PXYLP1: variants seen among roughly 807,000 people sequenced by gnomAD.
PXYLP1 encodes acid phosphatase-like 2.
A neutral mutation model predicts 37.9 loss-of-function variants in PXYLP1; 17 were observed. The ratio of observed to expected loss-of-function variants is 0.45; its 90% CI spans 0.31 to 0.67. The LOEUF is 0.67. Ranked by LOEUF, PXYLP1 falls within the 30% of genes least tolerant of loss-of-function variation. The probability of loss-of-function intolerance (pLI) is 0.07; values close to 1 mark genes in which losing one functional copy is unlikely to be tolerated. For missense variants in PXYLP1, 511 were observed against 612.0 expected, an observed-to-expected ratio of 0.84 and a Z score of 1.74; for synonymous variants, 221 against 232.2, an observed-to-expected ratio of 0.95 and a Z score of 0.44.
intron 1 of PXYLP1, chr3:141,236,342 G>C (rs146609395): frequency 3.5e-4 from 54 of 152,254 alleles, no homozygotes; most frequent in African/African-American, 1.2e-3. Context: ...TCCTCAGAAA[G>C]AGCTGTAATC....
intron 2 of PXYLP1, among the ~76,000 whole-genome samples, chr3:141,266,323 T>A (rs568999979): frequency 4.9e-4 from 75 of 152,346 alleles, no homozygotes; most frequent in African/African-American, 1.6e-3. Context: ...CGGGGACCGC[T>A]GGCAGGAGCC....
chr3:141,278,282 C>G (rs1559893137), intron 2 of PXYLP1, 60 bp from the exon 3 acceptor site: 4 of 1,597,666 alleles, frequency 2.5e-6, no homozygotes, highest in Non-Finnish European at 3.4e-6. Flanking sequence ...TGCGCTGGGC[C>G]TTGCAGCTGG....
chr3:141,278,836 T>C (rs1340323475), intron 3 of PXYLP1, among the ~76,000 whole-genome samples: 1 of 152,234 alleles, frequency 6.6e-6, no homozygotes, highest in Non-Finnish European at 1.5e-5. Flanking sequence ...GTGCAGCACA[T>C]TGAGACACTC....
chr3:141,271,087 G>C (rs2148791696), intron 2 of PXYLP1, among the ~76,000 whole-genome samples: 1 of 152,210 alleles, frequency 6.6e-6, no homozygotes, highest in Non-Finnish European at 1.5e-5. Context: ...AGTATTTCTT[G>C]ATTCCTTACC....
chr3:141,269,459 A>G (rs1941608979), intron 2 of PXYLP1, among the ~76,000 whole-genome samples: 1 of 144,990 alleles, frequency 6.9e-6, no homozygotes, highest in Admixed American at 7.0e-5. Context: ...TGATGAACTC[A>G]TGTTTTTTAT....
At chr3:141,257,768 G>A (rs895693664) in intron 1 of PXYLP1, among the ~76,000 whole-genome samples, 1 of 152,080 alleles carries the variant, frequency 6.6e-6, no homozygotes, top group Admixed American at 6.5e-5. Context: ...CGGGTGTGTG[G>A]TGGCAGCCAC....
intron 4 of PXYLP1, among the ~76,000 whole-genome samples, chr3:141,280,019 G>A (rs543271922): frequency 1.3e-5 from 2 of 152,214 alleles, no homozygotes; most frequent in Admixed American, 6.5e-5. Flanking sequence ...TTTTTCACTG[G>A]AGTAGAGGCA....
At chr3:141,261,668 C>A (rs1020627248) in intron 2 of PXYLP1, among the ~76,000 whole-genome samples, 3 of 152,168 alleles carry the variant, frequency 2.0e-5, no homozygotes, top group East Asian at 1.9e-4. Flanking sequence ...ATTTTCAGTT[C>A]TTGTGTCTTT....
chr3:141,248,520 C>CGTATATAT (rs1941021789), intron 1 of PXYLP1, among the ~76,000 whole-genome samples: 10 of 147,640 alleles, frequency 6.8e-5, no homozygotes, highest in African/African-American at 2.5e-4. Flanking sequence ...TATACACACA[C>CGTATATAT]ACACACGTAT....
In PXYLP1 at chr3:141,292,950, C is replaced by A. The variant is rs923755026; in HGVS notation, c.1188C>A (p.Phe396Leu). 6.2e-7 allele frequency: 1 copy of A among 1,614,136 alleles called. No individual in the cohort carries two copies. The highest frequency in any genetic ancestry group is 1.7e-5 in the Admixed American group (1 of 60,020). The change falls in exon 6 of 6, where the codon TTC becomes TTA. Residue 396 changes from phenylalanine (F) to leucine (L), a missense_variant. Phe to Leu is a conservative substitution (Grantham distance 22). Transcript: ENST00000286353. This position sits in a 1 kb window ranked among gnomAD's most constrained non-coding sequence, Gnocchi z 4.3. ...LSALGLSEAR[F>L]PRFAARLIFE... ...CCTTGGGCCTTTCAGAAGCCAGGTT[C>A]CCAAGGTTTGCAGCCAGGTTGATCT... is the stretch of plus-strand genomic sequence containing the variant.
chr3:141,257,866 T>C (rs185520426), intron 1 of PXYLP1, among the ~76,000 whole-genome samples: 1 of 130,134 alleles, frequency 7.7e-6, no homozygotes, highest in African/African-American at 2.9e-5. Flanking sequence ...ATTGCACCAC[T>C]GCACTCCAGC....
At position 141,293,588 on chromosome 3, in the gene PXYLP1, A is replaced by G. The variant is rs563620430; in HGVS notation, c.*383A>G. 22 of 180,590 alleles carry G rather than the reference A, an allele frequency of 1.2e-4. No homozygotes were observed. Among genetic ancestry groups the G allele is most frequent in the Non-Finnish European group, 1.9e-4 (16 of 85,484 alleles). 11.2% of individuals were successfully genotyped at this position (180,590 alleles called of 1,614,324 possible). ...AATTTTTTTAATCTTAGACATTTTT[A>G]CCTTGTCCTTGTTAAGAATTTCTTG... On this transcript the variant is annotated 3_prime_UTR_variant, in exon 6 of 6. Transcript: ENST00000286353.
chr3:141,251,573 A>G (rs539150117), intron 1 of PXYLP1, among the ~76,000 whole-genome samples: 1 of 152,354 alleles, frequency 6.6e-6, no homozygotes, highest in African/African-American at 2.4e-5. Context: ...CACTTGGGGC[A>G]GTTAGAAGCA....
intron 1 of PXYLP1, among the ~76,000 whole-genome samples, chr3:141,247,257 C>T (rs1272993865): frequency 6.6e-6 from 1 of 152,188 alleles, no homozygotes; most frequent in Non-Finnish European, 1.5e-5. Flanking sequence ...TAGGTGGGGC[C>T]GTGGAGGCCA....
At chr3:141,238,868 T>G (rs771433312) in intron 1 of PXYLP1, among the ~76,000 whole-genome samples, 31 of 152,174 alleles carry the variant, frequency 2.0e-4, no homozygotes, top group Middle Eastern at 6.8e-3. Flanking sequence ...TAAGTGGAAG[T>G]GGATCATCAT....
chr3:141,275,467 A>T (rs1194842550), intron 2 of PXYLP1, among the ~76,000 whole-genome samples: 1 of 152,236 alleles, frequency 6.6e-6, no homozygotes, highest in Non-Finnish European at 1.5e-5. Flanking sequence ...ACTCCAAGGG[A>T]GTGTGCCCAC....
intron 1 of PXYLP1, among the ~76,000 whole-genome samples, chr3:141,240,784 C>G (rs1940778211): frequency 6.6e-6 from 1 of 152,142 alleles, no homozygotes; most frequent in Non-Finnish European, 1.5e-5. Flanking sequence ...CGTCTTCATC[C>G]CCAGGAGATC....
intron 2 of PXYLP1, among the ~76,000 whole-genome samples, chr3:141,275,930 G>A (rs1941783672): frequency 1.3e-5 from 2 of 151,972 alleles, no homozygotes; most frequent in Non-Finnish European, 1.5e-5. Context: ...TTCCATCAAC[G>A]ACAGAACACA....
intron 2 of PXYLP1, among the ~76,000 whole-genome samples, chr3:141,263,353 TA>T (rs1316575352): frequency 6.6e-6 from 1 of 152,260 alleles, no homozygotes; most frequent in East Asian, 1.9e-4. Flanking sequence ...TTGTCTTTAA[TA>T]AAAATAAGTC....
Sources: allele counts gnomAD v4.1 joint callset (sites outside exome capture counted in the v4.1 genomes callset), GRCh38; gene constraint gnomAD v4.1.1; non-coding constraint Gnocchi (gnomAD v3.1); transcripts MANE v1.5; gene names NCBI Gene and HGNC (gene_info 2026-07-23, HGNC 2026-07-21).